Variants in PRKAR1B observed in about 807,000 individuals in gnomAD.
The protein encoded by PRKAR1B is cAMP-dependent protein kinase type I-beta regulatory subunit.
In PRKAR1B, 22 loss-of-function variants were observed where a neutral mutation model predicts 46.5. The observed-to-expected ratio is 0.47, with a 90% confidence interval of 0.34 to 0.68. The LOEUF (loss-of-function observed/expected upper bound fraction) is 0.68. PRKAR1B is among the 30% of genes least tolerant of loss of function. The pLI is 0.01. For synonymous variants in PRKAR1B, 259 were observed against 217.7 expected (o/e 1.19, Z -1.67); for missense variants, 445 against 535.6 (o/e 0.83, Z 1.67).
intron 2 of PRKAR1B, among the ~76,000 whole-genome samples, chr7:685,284 A>T (rs1778967838): frequency 1.3e-5 from 1 of 75,854 alleles, no homozygotes; most frequent in African/African-American, 5.8e-5. Context: ...ATATACGTAT[A>T]TATATGTATA....
intron 2 of PRKAR1B, among the ~76,000 whole-genome samples, chr7:703,117 G>C (rs903400832): frequency 6.6e-6 from 1 of 152,184 alleles, no homozygotes; most frequent in African/African-American, 2.4e-5. Context: ...ATTAATATCA[G>C]ATAAAGCAGA....
chr7:680,522 T>G (rs1778610557), intron 3 of PRKAR1B, 34 bp downstream of exon 3: 1 of 1,578,932 alleles, frequency 6.3e-7, no homozygotes, highest in Admixed American at 1.8e-5. Flanking sequence ...TGCCGAGGCC[T>G]GGGGACAGGA....
At chr7:655,586 T>A (rs1195303659) in intron 4 of PRKAR1B, among the ~76,000 whole-genome samples, 1 of 152,232 alleles carries the variant, frequency 6.6e-6, no homozygotes, top group Non-Finnish European at 1.5e-5. Flanking sequence ...TAACAATTTA[T>A]TTCATTTACT....
At chr7:697,993 GTGGA>G in intron 2 of PRKAR1B, among the ~76,000 whole-genome samples, 1 of 72,032 alleles carries the variant, frequency 1.4e-5, no homozygotes, top group East Asian at 5.4e-4. Flanking sequence ...GCGGAGGGGA[GTGGA>G]GGGGAGGGGA....
At chr7:707,925 C>G (rs1171601379) in intron 2 of PRKAR1B, among the ~76,000 whole-genome samples, 1 of 151,528 alleles carries the variant, frequency 6.6e-6, no homozygotes, top group Non-Finnish European at 1.5e-5. Context: ...CCGGGGGAGA[C>G]ACAGAACCTT....
At chr7:615,887 G>C (rs566111657) in intron 4 of PRKAR1B, among the ~76,000 whole-genome samples, 1 of 146,204 alleles carries the variant, frequency 6.8e-6, no homozygotes, top group East Asian at 2.0e-4. Flanking sequence ...GAAAGGGAGA[G>C]AGAAAGAGAA....
intron 9 of PRKAR1B, among the ~76,000 whole-genome samples, chr7:559,605 G>A (rs572966954): frequency 5.9e-4 from 90 of 152,264 alleles, no homozygotes; most frequent in African/African-American, 1.7e-3. Context: ...GACACCCCCC[G>A]GGAGGAGACA....
rs1368054124 is a variant in PRKAR1B at position 667,134 on chromosome 7, ATGGTGG to A, written c.440+10089_440+10094del. Among the ~76,000 whole-genome samples, 1 of 141,470 alleles carries A rather than the reference ATGGTGG, an allele frequency of 7.1e-6. No individual in the cohort carries two copies. The highest frequency in any genetic ancestry group is 1.5e-5 in the Non-Finnish European group (1 of 65,322). 92.8% of individuals were successfully genotyped at this position (141,470 alleles called of 152,430 possible). Reference sequence around the variant, plus strand: ...GATGATGGCAATGGTGGTGATGAGGATGGTGGTGGTGATGGTGATGATAATGATGGT... The same window carrying A: ...GATGATGGCAATGGTGGTGATGAGGATGGTGATGGTGATGATAATGATGGT... On this transcript the variant is annotated intron_variant, in intron 4 of 10. Coordinates refer to ENST00000537384, the MANE Select transcript of PRKAR1B (RefSeq NM_001164760.2). This position sits in a 1 kb window ranked among gnomAD's most constrained non-coding sequence, Gnocchi z 4.3.
intron 4 of PRKAR1B, among the ~76,000 whole-genome samples, chr7:661,327 G>C (rs28637888): frequency 5.0e-3 from 101 of 20,306 alleles, no homozygotes; most frequent in East Asian, 5.2e-3. Flanking sequence ...AGGTCCCCAC[G>C]CCAACGGGTC....
chr7:628,938 G>A (rs553085944), intron 4 of PRKAR1B, among the ~76,000 whole-genome samples: 1 of 152,266 alleles, frequency 6.6e-6, no homozygotes, highest in East Asian at 1.9e-4. Context: ...TGCAGCCCAC[G>A]GCGGGCACTC....
intron 7 of PRKAR1B, among the ~76,000 whole-genome samples, chr7:595,413 C>T (rs538811436): frequency 4.9e-4 from 75 of 152,314 alleles, no homozygotes; most frequent in African/African-American, 1.7e-3. Flanking sequence ...CGGGTGTTCA[C>T]GGCCGCCTCC....
At chr7:668,387 C>T (rs1315768021) in intron 4 of PRKAR1B, among the ~76,000 whole-genome samples, 1 of 152,226 alleles carries the variant, frequency 6.6e-6, no homozygotes, top group Non-Finnish European at 1.5e-5. Context: ...AATCCCTCCC[C>T]TGCCCACTCC....
chr7:685,371 TATATATATACATAC>T (rs1779027663), intron 2 of PRKAR1B, among the ~76,000 whole-genome samples: 2 of 31,044 alleles, frequency 6.4e-5, no homozygotes, highest in African/African-American at 1.6e-4. Flanking sequence ...TATACACATA[TATATATATACATAC>T]ATATATATAT....
chr7:640,765 A>AACACACACACAAAC (rs1784346214), intron 4 of PRKAR1B, among the ~76,000 whole-genome samples: 2 of 108,086 alleles, frequency 1.9e-5, no homozygotes, highest in African/African-American at 7.5e-5. Context: ...CTCTGTCTCA[A>AACACACACACAAAC]ACACACACAC....
chr7:577,462 G>A (rs1779925975), intron 9 of PRKAR1B, among the ~76,000 whole-genome samples: 1 of 149,642 alleles, frequency 6.7e-6, no homozygotes, highest in African/African-American at 2.4e-5. Flanking sequence ...CACCCTTGAG[G>A]GCCGGAGACA....
chr7:606,100 T>C (rs774754099), intron 6 of PRKAR1B, 93 bp downstream of exon 6: 4 of 1,247,698 alleles, frequency 3.2e-6, no homozygotes, highest in African/African-American at 1.5e-5. Flanking sequence ...CAGCGCAGTG[T>C]TTGTTGGGGG....
intron 1 of PRKAR1B, among the ~76,000 whole-genome samples, chr7:726,370 C>T (rs967233314): frequency 6.6e-6 from 1 of 152,164 alleles, no homozygotes; most frequent in East Asian, 1.9e-4. Flanking sequence ...TGGTCCCAGG[C>T]GGGACCACTC....
upstream of PRKAR1B, among the ~76,000 whole-genome samples, chr7:728,099 C>T (rs139430360): frequency 1.6e-3 from 250 of 152,290 alleles, 1 homozygote; most frequent in African/African-American, 5.5e-3. Context: ...TTCTCCCCTC[C>T]ACTTTATAAC....
chr7:605,815 C>T (rs1782003596), intron 6 of PRKAR1B, among the ~76,000 whole-genome samples: 1 of 152,216 alleles, frequency 6.6e-6, no homozygotes, highest in African/African-American at 2.4e-5. Flanking sequence ...CTCCCACCCA[C>T]TTTGAGATGT....
Sources: allele counts gnomAD v4.1 joint callset (sites outside exome capture counted in the v4.1 genomes callset), GRCh38; gene constraint gnomAD v4.1.1; non-coding constraint Gnocchi (gnomAD v3.1); transcripts MANE v1.5; gene names NCBI Gene and HGNC (gene_info 2026-07-23, HGNC 2026-07-21).